PLXDC2: variants seen among roughly 807,000 people sequenced by gnomAD.
PLXDC2 encodes the protein plexin domain containing 2, also known as plexin domain-containing protein 2.
In PLXDC2, 40 loss-of-function variants were observed where a neutral mutation model predicts 68.9. The observed-to-expected ratio is 0.58, with a 90% CI of 0.45 to 0.76. The LOEUF (loss-of-function observed/expected upper bound fraction) is 0.76, where lower values mean the gene tolerates loss of function less well. Ranked by LOEUF, PLXDC2 falls within the 30% of genes least tolerant of loss-of-function variation. PLXDC2 has a pLI of 0.00. For synonymous variants in PLXDC2, 243 were observed against 234.2 expected (o/e 1.04, Z -0.34); for missense variants, 644 against 661.9 (o/e 0.97, Z 0.30).
intron 1 of PLXDC2, among the ~76,000 whole-genome samples, chr10:19,899,954 A>G (rs1353899956): frequency 1.3e-5 from 2 of 152,174 alleles, no homozygotes; most frequent in Non-Finnish European, 2.9e-5. Context: ...AGATGGTTAG[A>G]GAATTATTAT....
At chr10:19,881,101 A>G (rs1837718227) in intron 1 of PLXDC2, among the ~76,000 whole-genome samples, 1 of 151,904 alleles carries the variant, frequency 6.6e-6, no homozygotes, top group Admixed American at 6.6e-5. Context: ...TCTGAAATTT[A>G]TGTGTAAGAT....
intron 1 of PLXDC2, among the ~76,000 whole-genome samples, chr10:19,926,497 G>T (rs117342011): frequency 6.6e-6 from 1 of 152,124 alleles, no homozygotes; most frequent in Non-Finnish European, 1.5e-5. Context: ...GCTGCACTAT[G>T]TTCATCTTGC....
chr10:20,214,819 G>A (rs954675959), intron 10 of PLXDC2, among the ~76,000 whole-genome samples: 1 of 152,084 alleles, frequency 6.6e-6, no homozygotes, highest in Non-Finnish European at 1.5e-5. Context: ...CCTGTTTACG[G>A]AATACTAGGT....
chr10:20,243,706 C>A (rs1309989949), intron 12 of PLXDC2, among the ~76,000 whole-genome samples: 2 of 151,844 alleles, frequency 1.3e-5, no homozygotes, highest in Non-Finnish European at 2.9e-5. Flanking sequence ...GTTTAATAGA[C>A]AAAAAAAGCT....
chr10:20,068,991 A>T (rs1836270213), intron 4 of PLXDC2, among the ~76,000 whole-genome samples: 1 of 152,116 alleles, frequency 6.6e-6, no homozygotes, highest in South Asian at 2.1e-4. Context: ...AAGGAGAAAA[A>T]CACATAAAAA....
chr10:20,040,489 C>A (rs1408241009), intron 2 of PLXDC2, among the ~76,000 whole-genome samples: 1 of 152,172 alleles, frequency 6.6e-6, no homozygotes, highest in Non-Finnish European at 1.5e-5. Flanking sequence ...ATGACTCCTC[C>A]TGTAGCTTAT....
At chr10:19,981,752 T>C (rs1834554509) in intron 1 of PLXDC2, among the ~76,000 whole-genome samples, 1 of 152,188 alleles carries the variant, frequency 6.6e-6, no homozygotes, top group South Asian at 2.1e-4. Context: ...TATCGATCAA[T>C]ATAAACACAA....
At chr10:19,929,245 A>G (rs1833589280) in intron 1 of PLXDC2, among the ~76,000 whole-genome samples, 1 of 151,854 alleles carries the variant, frequency 6.6e-6, no homozygotes, top group Admixed American at 6.5e-5. Flanking sequence ...TAACAACAAC[A>G]ACGAAAAGAA....
chr10:19,975,081 A>G (rs1834426476), intron 1 of PLXDC2, among the ~76,000 whole-genome samples: 1 of 152,120 alleles, frequency 6.6e-6, no homozygotes, highest in East Asian at 1.9e-4. Flanking sequence ...CTATTTTCTC[A>G]TGGTATTTTT....
intron 9 of PLXDC2, among the ~76,000 whole-genome samples, chr10:20,178,354 G>A (rs529542503): frequency 2.0e-5 from 3 of 152,198 alleles, no homozygotes; most frequent in South Asian, 4.1e-4. Context: ...ATGAAGACTT[G>A]TAAATTTGTT....
chr10:19,977,696 G>A (rs974215884), intron 1 of PLXDC2, among the ~76,000 whole-genome samples: 1 of 152,052 alleles, frequency 6.6e-6, no homozygotes, highest in African/African-American at 2.4e-5. Flanking sequence ...TCTTTCCGGG[G>A]TTTGCAGATG....
Position 20,245,380 on chromosome 10 carries a change from G to A in PLXDC2, c.1348G>A (p.Gly450Arg), listed in dbSNP as rs746050068. 2 of 1,613,750 alleles carry A rather than the reference G, an allele frequency of 1.2e-6. No individual in the cohort carries two copies. Among genetic ancestry groups the A allele is most frequent in the Non-Finnish European group, 1.7e-6 (2 of 1,179,804 alleles). ...TGACAGTGCAGCTGAGAAGAAAGGG[G>A]GAACCCTCCACGCTGGCCTCATCAT... ...TDDSAAEKKG[G>R]TLHAGLIIGI... Residue 450 changes from glycine (G) to arginine (R), a missense_variant, in exon 13 of 14, where the codon GGA (glycine) becomes AGA (arginine). By Grantham distance (125) the Gly-to-Arg change is moderately radical. This residue lies in a region of PLXDC2 where 330 missense variants were observed against 327.9 expected (regional missense o/e 1.01). Coordinates refer to ENST00000377252, the MANE Select transcript of PLXDC2 (RefSeq NM_032812.9).
chr10:19,851,161 T>C (rs1355452315), intron 1 of PLXDC2, among the ~76,000 whole-genome samples: 5 of 152,214 alleles, frequency 3.3e-5, no homozygotes, highest in Non-Finnish European at 7.3e-5. Context: ...ACAATTATTC[T>C]TTCCAAGGAA....
chr10:20,107,043 A>G (rs1256559661), intron 4 of PLXDC2, among the ~76,000 whole-genome samples: 1 of 148,542 alleles, frequency 6.7e-6, no homozygotes, highest in Non-Finnish European at 1.5e-5. Flanking sequence ...TACTATATAT[A>G]TAGTATGTAT....
chr10:20,000,674 G>A (rs944760863), intron 1 of PLXDC2, among the ~76,000 whole-genome samples: 1 of 152,036 alleles, frequency 6.6e-6, no homozygotes, highest in African/African-American at 2.4e-5. Context: ...ATTGGTAGTG[G>A]TAATCTTAAG....
chr10:20,164,004 T>C (rs1242768810), intron 6 of PLXDC2, among the ~76,000 whole-genome samples: 1 of 152,198 alleles, frequency 6.6e-6, no homozygotes, highest in East Asian at 1.9e-4. Flanking sequence ...CATTTATTTG[T>C]TTTTCTCTAG....
chr10:20,181,853 T>TA (rs932045893), intron 9 of PLXDC2, among the ~76,000 whole-genome samples: 3 of 152,100 alleles, frequency 2.0e-5, no homozygotes, highest in East Asian at 3.9e-4. Context: ...TTTACCATAT[T>TA]AAAAAAATGG....
rs572907189 is a variant in PLXDC2, at chr10:19,862,268, G to A, written c.112+45077G>A. Among the ~76,000 whole-genome samples the A allele has an allele frequency of 1.3e-4, 20 of 152,266 alleles. No homozygotes were observed. The East Asian group carries it at 2.3e-3, about 18-fold the overall frequency. ...AAAAGCTTATGGTTCTTGTGACTAG[G>A]TTTATATCAATCACTTATGTGCCCA... On this transcript the variant is annotated intron_variant, in intron 1 of 13. Transcript: ENST00000377252.
chr10:19,855,237 T>A (rs1227293022), intron 1 of PLXDC2, among the ~76,000 whole-genome samples: 2 of 151,920 alleles, frequency 1.3e-5, no homozygotes, highest in Non-Finnish European at 2.9e-5. Context: ...TTGTTGTTGT[T>A]GTTGTTGTTC....
Sources: allele counts gnomAD v4.1 joint callset (sites outside exome capture counted in the v4.1 genomes callset), GRCh38; gene constraint gnomAD v4.1.1; regional missense constraint gnomAD v4.1.1; transcripts MANE v1.5; gene names NCBI Gene and HGNC (gene_info 2026-07-23, HGNC 2026-07-21).